The following GRIK1 variants were observed in gnomAD, a reference collection of about 807,000 sequenced individuals.
The protein encoded by GRIK1 is glutamate ionotropic receptor kainate type subunit 1.
GRIK1 carries 69 observed loss-of-function variants against 105.7 expected under a neutral mutation model. That is an observed-to-expected ratio of 0.65 (90% CI 0.54 to 0.80). The LOEUF (loss-of-function observed/expected upper bound fraction) is 0.80, where lower values mean the gene tolerates loss of function less well. Among genes scored for constraint, GRIK1 ranks in the 30% least tolerant of loss-of-function variants. The pLI, the probability that GRIK1 is intolerant of heterozygous loss-of-function variation, is 0.00. For missense variants in GRIK1, 1,109 were observed against 1,167.3 expected (o/e 0.95, Z 0.73); for synonymous variants, 438 against 431.3 (o/e 1.02, Z -0.19).
chr21:29,803,780 C>T (rs2066779122), intron 1 of GRIK1, among the ~76,000 whole-genome samples: 1 of 152,028 alleles, frequency 6.6e-6, no homozygotes, highest in Non-Finnish European at 1.5e-5. Flanking sequence ...TATTATTTTC[C>T]TAAGCTCAGC....
intron 1 of GRIK1, among the ~76,000 whole-genome samples, chr21:29,700,492 A>T (rs1195607188): frequency 6.6e-6 from 1 of 152,146 alleles, no homozygotes; most frequent in Non-Finnish European, 1.5e-5. Flanking sequence ...TGGCTTCCAA[A>T]CTTTCCCTTA....
chr21:29,736,386 A>T (rs147710606), intron 1 of GRIK1, among the ~76,000 whole-genome samples: 94 of 152,100 alleles, frequency 6.2e-4, no homozygotes, highest in Non-Finnish European at 1.1e-3. Context: ...GCATGCTACC[A>T]CCTGGCTAAC....
chr21:29,749,223 G>A (rs1040736304), intron 1 of GRIK1: 2 of 152,154 alleles, frequency 1.3e-5, no homozygotes, highest in Admixed American at 1.3e-4. Flanking sequence ...GAAAAAGTTA[G>A]CCTTAACTTT....
chr21:29,921,434 G>A (rs1391105364), intron 1 of GRIK1, among the ~76,000 whole-genome samples: 1 of 152,074 alleles, frequency 6.6e-6, no homozygotes, highest in Non-Finnish European at 1.5e-5. Flanking sequence ...TTTTACTCAT[G>A]GTTAAAAAAG....
intron 1 of GRIK1, among the ~76,000 whole-genome samples, chr21:29,725,805 C>A (rs1025858444): frequency 1.3e-5 from 2 of 152,168 alleles, no homozygotes; most frequent in Non-Finnish European, 2.9e-5. Flanking sequence ...AATAAAATTA[C>A]AGCTTTTGTA....
chr21:29,848,779 AT>A (rs1555898508), intron 1 of GRIK1, among the ~76,000 whole-genome samples: 10 of 77,880 alleles, frequency 1.3e-4, no homozygotes, highest in African/African-American at 4.7e-4. Context: ...ATATATATAT[AT>A]TTTTTTTTTT....
intron 14 of GRIK1, among the ~76,000 whole-genome samples, chr21:29,562,468 C>T (rs1316412892): frequency 6.6e-6 from 1 of 152,126 alleles, no homozygotes; most frequent in Admixed American, 6.5e-5. Flanking sequence ...CCAGCTTGAC[C>T]AACATGGTGA....
intron 16 of GRIK1, among the ~76,000 whole-genome samples, chr21:29,547,832 C>T (rs1046056120): frequency 1.2e-4 from 19 of 152,024 alleles, no homozygotes; most frequent in South Asian, 4.2e-4. Flanking sequence ...TAAGTTGATC[C>T]GACTCCAGAG....
rs945229928 is a variant in GRIK1 at position 29,607,736 on chromosome 21, CA to C, written c.1099-8800del. On this transcript the variant is annotated intron_variant, in intron 7 of 17. Coordinates refer to ENST00000327783, the MANE Select transcript of GRIK1 (RefSeq NM_001330994.2). ...AGTTCTGATGTACTTTTTTGTTTTA[CA>C]GATTTGTTTTTGGTTTCCTGAAAAG... Among the ~76,000 whole-genome samples the C allele has an allele frequency of 2.3e-4, 35 of 152,112 alleles. No individual in the cohort carries two copies. In the Middle Eastern group the frequency reaches 0.01, roughly 44 times the overall value.
intron 1 of GRIK1, among the ~76,000 whole-genome samples, chr21:29,756,723 A>C (rs1191674940): frequency 6.6e-6 from 1 of 152,220 alleles, no homozygotes; most frequent in African/African-American, 2.4e-5. Flanking sequence ...AAAACTAGAA[A>C]TGATTAGCAA....
chr21:29,865,507 A>C (rs2068773868), intron 1 of GRIK1, among the ~76,000 whole-genome samples: 1 of 151,794 alleles, frequency 6.6e-6, no homozygotes, highest in Non-Finnish European at 1.5e-5. Flanking sequence ...CAGTAAACAC[A>C]ATGAAATGTG....
chr21:29,838,633 T>C (rs2145992353), intron 1 of GRIK1, among the ~76,000 whole-genome samples: 1 of 152,250 alleles, frequency 6.6e-6, no homozygotes, highest in South Asian at 2.1e-4. Flanking sequence ...CAGCAAATAA[T>C]AGAAGACTGG....
chr21:29,855,724 C>T lies in GRIK1; in HGVS notation c.118+83659G>A, dbSNP rs537218382. ...AAGAGGCATAGGAAAGACTTGAAACCCAAGACAAGTAAGAAGGTTATGAAA... is the reference window on the plus strand; with the variant it reads ...AAGAGGCATAGGAAAGACTTGAAACTCAAGACAAGTAAGAAGGTTATGAAA... On this transcript the variant is annotated intron_variant, in intron 1 of 17. Transcript: ENST00000327783. 2.0e-5 allele frequency among the ~76,000 whole-genome samples: 3 copies of T among 152,070 alleles called. No homozygotes were observed. In the South Asian group the frequency reaches 6.2e-4, roughly 32 times the overall value.
chr21:29,588,944 G>A lies in GRIK1; in HGVS notation c.1464C>T (p.Asn488=). The A allele has an allele frequency of 1.2e-6, 2 of 1,601,878 alleles. No individual in the cohort carries two copies. The highest frequency in any genetic ancestry group is 1.7e-6 in the Non-Finnish European group (2 of 1,168,920). Residue 488 remains asparagine, a synonymous_variant, in exon 11 of 18, where the codon AAC becomes AAT. Transcript: ENST00000327783. The part of the protein sequence containing the change: ...YCLDLLKELS[N]ILGFIYDVKL... ...TAACATCATAAATGAAACCCAGGAT[G>A]TTTGACAATTCTTTCAACAGGTCTA... is the stretch of plus-strand genomic sequence containing the variant.
chr21:29,892,781 C>CT (rs562874429), intron 1 of GRIK1, among the ~76,000 whole-genome samples: 72 of 152,288 alleles, frequency 4.7e-4, no homozygotes, highest in Admixed American at 4.2e-3. Context: ...GAAATGTAAT[C>CT]TTTTTTGTGC....
chr21:29,739,994 A>G (rs1190866693), intron 1 of GRIK1, among the ~76,000 whole-genome samples: 5 of 152,236 alleles, frequency 3.3e-5, no homozygotes, highest in Non-Finnish European at 2.9e-5. Flanking sequence ...GCACACACAT[A>G]CACAAACACA....
At chr21:29,882,245 A>T (rs866123600) in intron 1 of GRIK1, among the ~76,000 whole-genome samples, 1 of 152,128 alleles carries the variant, frequency 6.6e-6, no homozygotes, top group Non-Finnish European at 1.5e-5. Context: ...CATTCCATTA[A>T]TTCCATGGTT....
At chr21:29,930,747 G>T (rs1199128495) in intron 1 of GRIK1, among the ~76,000 whole-genome samples, 2 of 152,174 alleles carry the variant, frequency 1.3e-5, no homozygotes, top group Non-Finnish European at 2.9e-5. Flanking sequence ...GAATTCTAAA[G>T]AAGACGTATG....
chr21:29,561,608 T>C lies in GRIK1; in HGVS notation c.2356+16A>G. ...CATTCTGTATCTCAGTCTTGGTTCA[T>C]GTCTACCCGTCTTACCAATAGGTGT... On this transcript the variant is annotated intron_variant, in intron 15 of 17. Transcript: ENST00000327783. 2.0e-6 allele frequency: 3 copies of C among 1,513,200 alleles called. No individual in the cohort carries two copies. Among genetic ancestry groups the C allele is most frequent in the Non-Finnish European group, 2.8e-6 (3 of 1,087,998 alleles). The allele number at this position is 1,513,200 out of a possible 1,614,324, so 93.7% of individuals were successfully genotyped here. A position where few individuals can be genotyped will look rare whatever the true frequency, so the allele number is the denominator to read the frequency against.
Sources: allele counts gnomAD v4.1 joint callset (sites outside exome capture counted in the v4.1 genomes callset), GRCh38; gene constraint gnomAD v4.1.1; transcripts MANE v1.5; gene names NCBI Gene and HGNC (gene_info 2026-07-23, HGNC 2026-07-21).